Variants in PKHD1 observed in about 807,000 individuals in gnomAD.
PKHD1 encodes PKHD1 ciliary IPT domain containing fibrocystin/polyductin.
In PKHD1, 291 loss-of-function variants were observed where a neutral mutation model predicts 412.0. The observed-to-expected ratio is 0.71, with a 90% CI of 0.64 to 0.78. PKHD1 has a LOEUF of 0.78. PKHD1 is among the 30% of genes least tolerant of loss of function. PKHD1 has a pLI of 0.00. For synonymous variants in PKHD1, 1,777 were observed against 1,821.5 expected (o/e 0.98, Z 0.62); for missense variants, 4,825 against 4,950.7 (o/e 0.97, Z 0.76).
chr6:51,978,066 A>G (rs1794685811), intron 35 of PKHD1, among the ~76,000 whole-genome samples: 1 of 152,158 alleles, frequency 6.6e-6, no homozygotes, highest in South Asian at 2.1e-4. Context: ...AAGCCACAGA[A>G]AATCCCATAA....
intron 35 of PKHD1, among the ~76,000 whole-genome samples, chr6:51,997,623 A>G (rs531927784): frequency 1.3e-5 from 2 of 152,252 alleles, no homozygotes; most frequent in Non-Finnish European, 2.9e-5. Flanking sequence ...ACAGGCAGAA[A>G]TGCCAAGAAT....
intron 35 of PKHD1, among the ~76,000 whole-genome samples, chr6:51,989,680 C>A (rs1467258641): frequency 6.6e-6 from 1 of 151,838 alleles, no homozygotes; most frequent in African/African-American, 2.4e-5. Flanking sequence ...GGAAGGCTAA[C>A]AAAGGCCTTT....
At chr6:51,800,280 A>C (rs903993003) in intron 52 of PKHD1, among the ~76,000 whole-genome samples, 2 of 152,108 alleles carry the variant, frequency 1.3e-5, no homozygotes, top group African/African-American at 4.8e-5. Context: ...TTTTTCCTGA[A>C]AGTGTTCTAT....
At chr6:52,086,515 T>C (rs1195706922) in intron 1 of PKHD1, among the ~76,000 whole-genome samples, 2 of 152,150 alleles carry the variant, frequency 1.3e-5, no homozygotes, top group East Asian at 3.8e-4. Context: ...AAAAAAAATC[T>C]GCAAAAACTT....
chr6:51,758,014 A>AAGAGAGAGAGCGAGAGAGAG (rs1787321124), intron 55 of PKHD1, among the ~76,000 whole-genome samples: 1 of 126,090 alleles, frequency 7.9e-6, no homozygotes, highest in African/African-American at 3.4e-5. Context: ...ACCCTGCCAA[A>AAGAGAGAGAGCGAGAGAGAG]AGAGAGAGAG....
chr6:51,975,056 A>T (rs1562027947), intron 35 of PKHD1, among the ~76,000 whole-genome samples: 1 of 151,924 alleles, frequency 6.6e-6, no homozygotes, highest in Non-Finnish European at 1.5e-5. Flanking sequence ...AAACAACAGA[A>T]AACTAAATAA....
chr6:52,081,609 G>A (rs1193249977), intron 4 of PKHD1, among the ~76,000 whole-genome samples: 1 of 152,062 alleles, frequency 6.6e-6, no homozygotes, highest in Non-Finnish European at 1.5e-5. Context: ...AGAAAAGTGT[G>A]GGTACACACA....
intron 35 of PKHD1, among the ~76,000 whole-genome samples, chr6:51,996,379 A>ATTTC (rs758220774): frequency 1.3e-5 from 2 of 151,924 alleles, no homozygotes; most frequent in Non-Finnish European, 2.9e-5. Context: ...GTAACAGACT[A>ATTTC]TTTCTTTCCC....
intron 60 of PKHD1, among the ~76,000 whole-genome samples, chr6:51,736,979 C>A (rs1049445914): frequency 5.3e-5 from 8 of 152,206 alleles, no homozygotes; most frequent in Non-Finnish European, 1.2e-4. Context: ...GAAACCACTT[C>A]ATCACTCAGT....
intron 52 of PKHD1, among the ~76,000 whole-genome samples, chr6:51,827,887 C>A (rs1036505447): frequency 2.0e-5 from 3 of 152,006 alleles, no homozygotes; most frequent in African/African-American, 7.2e-5. Context: ...CTACCAGATG[C>A]AAAGCAAATG....
chr6:52,009,842 C>G (rs995876849), intron 35 of PKHD1, among the ~76,000 whole-genome samples: 1 of 151,970 alleles, frequency 6.6e-6, no homozygotes, highest in Non-Finnish European at 1.5e-5. Context: ...TCCACGTAAT[C>G]CCCTCAGAAG....
intron 49 of PKHD1, among the ~76,000 whole-genome samples, chr6:51,854,450 T>G (rs1309427948): frequency 1.3e-5 from 2 of 152,132 alleles, no homozygotes; most frequent in Non-Finnish European, 2.9e-5. Context: ...ACTTTGTCCC[T>G]TGGTGGAGAG....
chr6:51,819,956 G>T (rs907667481), intron 52 of PKHD1, among the ~76,000 whole-genome samples: 18 of 152,074 alleles, frequency 1.2e-4, no homozygotes, highest in African/African-American at 4.1e-4. Context: ...GAGTAACATT[G>T]ACCTAAAAAT....
chr6:51,796,369 G>C (rs1213816863), intron 52 of PKHD1, among the ~76,000 whole-genome samples: 1 of 151,068 alleles, frequency 6.6e-6, no homozygotes, highest in South Asian at 2.1e-4. Flanking sequence ...TGTTGTTTCT[G>C]ATTGTGTTTA....
intron 35 of PKHD1, among the ~76,000 whole-genome samples, chr6:51,986,134 A>T (rs1214291325): frequency 6.6e-6 from 1 of 152,230 alleles, no homozygotes; most frequent in African/African-American, 2.4e-5. Flanking sequence ...AAGTTAAAAA[A>T]ACAGAAATGT....
intron 63 of PKHD1, among the ~76,000 whole-genome samples, 170 bp from the exon 64 acceptor site, chr6:51,639,126 C>G (rs1253122941): frequency 6.6e-6 from 1 of 152,030 alleles, no homozygotes; most frequent in East Asian, 1.9e-4. Context: ...ACCAAATGAC[C>G]CAAGACAGAA....
At chr6:51,728,910 A>C (rs2150876199) in intron 60 of PKHD1, among the ~76,000 whole-genome samples, 1 of 152,362 alleles carries the variant, frequency 6.6e-6, no homozygotes, top group East Asian at 1.9e-4. Flanking sequence ...CAAGTTATTT[A>C]GTGCTTATCC....
At position 51,617,216 on chromosome 6, in the gene PKHD1, C is replaced by T. The variant is rs577294462; in HGVS notation, c.*1865G>A. The T allele has an allele frequency of 6.6e-6, 1 of 152,154 alleles. No homozygotes were observed. The highest frequency in any genetic ancestry group is 2.4e-5 in the African/African-American group (1 of 41,490). The allele number at this position is 152,154 out of a possible 1,614,324, so 9.4% of individuals were successfully genotyped here. A position where few individuals can be genotyped will look rare whatever the true frequency, so the allele number is the denominator to read the frequency against. On this transcript the variant is annotated 3_prime_UTR_variant, in exon 67 of 67. Coordinates refer to ENST00000371117, the MANE Select transcript of PKHD1 (RefSeq NM_138694.4). ...GCCTTCACTTCTGAAATGTTTTTTT[C>T]CAAAAAGCTTACGGCTCTTTGAGGA...
At chr6:51,903,897 A>T in intron 42 of PKHD1, 89 bp downstream of exon 42, 1 of 798,560 alleles carries the variant, frequency 1.3e-6, no homozygotes, top group South Asian at 1.6e-5. Context: ...AACTTAAGAG[A>T]CCTAACATTT....
Sources: allele counts gnomAD v4.1 joint callset (sites outside exome capture counted in the v4.1 genomes callset), GRCh38; gene constraint gnomAD v4.1.1; transcripts MANE v1.5; gene names NCBI Gene and HGNC (gene_info 2026-07-23, HGNC 2026-07-21).